Variants in GLDC observed in about 807,000 individuals in gnomAD.
GLDC encodes glycine decarboxylase, also known as glycine dehydrogenase (decarboxylating), mitochondrial.
A neutral mutation model predicts 121.3 loss-of-function variants in GLDC; 104 were observed. The ratio of observed to expected loss-of-function variants is 0.86; its 90% CI spans 0.73 to 1.01. The LOEUF (loss-of-function observed/expected upper bound fraction) is 1.01, where lower values mean the gene tolerates loss of function less well. Among genes scored for constraint, GLDC ranks in the 50% least tolerant of loss-of-function variants. GLDC has a pLI of 0.00. For synonymous variants in GLDC, 546 were observed against 480.6 expected (o/e 1.14, Z -1.78); for missense variants, 1,429 against 1,306.6 (o/e 1.09, Z -1.44).
At chr9:6,556,962 T>C (rs1056137674) in intron 17 of GLDC, among the ~76,000 whole-genome samples, 2 of 152,170 alleles carry the variant, frequency 1.3e-5, no homozygotes, top group East Asian at 3.9e-4. Context: ...TTCAGACGTT[T>C]GTGGTTCTAG....
intron 5 of GLDC, chr9:6,606,112 C>G (rs1481130740): frequency 1.1e-5 from 2 of 174,150 alleles, no homozygotes; most frequent in East Asian, 1.7e-4. Flanking sequence ...TCAAGACCAT[C>G]CTGGCTAACA....
intron 2 of GLDC, among the ~76,000 whole-genome samples, chr9:6,622,231 G>A (rs1266783224): frequency 1.3e-5 from 2 of 150,564 alleles, no homozygotes; most frequent in East Asian, 2.0e-4. Flanking sequence ...AAATTCACAA[G>A]AGATATGGTC....
Position 6,606,620 on chromosome 9 carries a change from T to C in GLDC, c.685A>G (p.Thr229Ala). 6.2e-7 allele frequency: 1 copy of C among 1,608,540 alleles called. No homozygotes were observed. Residue 229 changes from threonine to alanine, a missense_variant, in exon 5 of 25, where the codon ACA (threonine) becomes GCA (alanine). Physicochemically the swap from Thr to Ala is moderately conservative, Grantham distance 58 (BLOSUM62 0). Coordinates refer to ENST00000321612, the MANE Select transcript of GLDC (RefSeq NM_000170.3). Reference sequence around the variant, plus strand: ...GCTCGAGTCTGGACAACAGCTATTGTCTGTGGGTGGCAACGGGGATCAACG... The same window carrying C: ...GCTCGAGTCTGGACAACAGCTATTGCCTGTGGGTGGCAACGGGGATCAACG... The part of the protein sequence containing the change: ...FLVDPRCHPQ[T>A]IAVVQTRAKY...
rs534062853 is a variant in GLDC, at chr9:6,558,637, G to T, written c.1974C>A (p.Ala658=). Residue 658 remains alanine (A), a synonymous_variant, in exon 17 of 25, where the codon GCC becomes GCA. Coordinates refer to ENST00000321612, the MANE Select transcript of GLDC (RefSeq NM_000170.3). The part of the protein sequence containing the change: ...KSAHGTNPAS[A]HMAGMKIQPV... ...GCTGAATCTTCATGCCTGCCATGTGGGCACTTGCTGGGTTGGTCCCATGTG... is the reference window on the plus strand; with the variant it reads ...GCTGAATCTTCATGCCTGCCATGTGTGCACTTGCTGGGTTGGTCCCATGTG... 1.4e-5 allele frequency: 23 copies of T among 1,614,110 alleles called. No homozygotes were observed. The African/African-American group carries it at 2.7e-4, about 19-fold the overall frequency.
At chr9:6,603,727 C>CT (rs150768218) in intron 7 of GLDC, among the ~76,000 whole-genome samples, 42,225 of 143,040 alleles carry the variant, frequency 0.3, 6,885 homozygotes, top group African/African-American at 0.42. Context: ...CTTTTTTTTC[C>CT]TTTTTTTTCT....
At chr9:6,622,564 A>G (rs1819128884) in intron 2 of GLDC, among the ~76,000 whole-genome samples, 1 of 152,110 alleles carries the variant, frequency 6.6e-6, no homozygotes, top group African/African-American at 2.4e-5. Flanking sequence ...CCCAGGCTGG[A>G]GTGCAGTGGC....
intron 21 of GLDC, among the ~76,000 whole-genome samples, chr9:6,548,107 T>A (rs1817435902): frequency 6.6e-6 from 1 of 152,182 alleles, no homozygotes; most frequent in African/African-American, 2.4e-5. Context: ...CCACTGCACT[T>A]CAGCCTGGAC....
chr9:6,570,445 A>T (rs1471752428), intron 15 of GLDC, among the ~76,000 whole-genome samples: 2 of 152,252 alleles, frequency 1.3e-5, no homozygotes, highest in African/African-American at 2.4e-5. Context: ...AGTTTTTAAC[A>T]CACCATCATA....
At chr9:6,612,251 T>A (rs913248953) in intron 3 of GLDC, among the ~76,000 whole-genome samples, 16 of 143,958 alleles carry the variant, frequency 1.1e-4, no homozygotes, top group African/African-American at 2.9e-4. Flanking sequence ...TCTCTCTCTC[T>A]CTCACACACA....
intron 8 of GLDC, among the ~76,000 whole-genome samples, chr9:6,601,001 C>T (rs918610665): frequency 6.6e-6 from 1 of 152,080 alleles, no homozygotes; most frequent in African/African-American, 2.4e-5. Context: ...GGTGAAACCC[C>T]GTCTCTACTA....
chr9:6,574,132 C>T (rs1054369842), intron 15 of GLDC, among the ~76,000 whole-genome samples: 3 of 151,164 alleles, frequency 2.0e-5, no homozygotes, highest in East Asian at 1.9e-4. Context: ...ATCAGAAGAG[C>T]GCCTCAGAGC....
At chr9:6,605,360 G>T in intron 5 of GLDC, 82 bp from the exon 6 acceptor site, 2 of 1,457,792 alleles carry the variant, frequency 1.4e-6, no homozygotes, top group African/African-American at 1.4e-5. Context: ...CAGTAAGACA[G>T]CATTCATTTT....
chr9:6,620,427 A>G lies in GLDC; in HGVS notation c.335-108T>C, dbSNP rs1819067878. ...TGAGTATTTATGACAGAATAACTAT[A>G]TGGAAAATGTAAGAGTCATCCATCC... On this transcript the variant is annotated intron_variant, in intron 2 of 24. Transcript: ENST00000321612. 78 of 960,954 alleles carry G rather than the reference A, an allele frequency of 8.1e-5. No homozygotes were observed. The South Asian group carries it at 1.0e-3, about 13-fold the overall frequency. The allele number at this position is 960,954 out of a possible 1,614,324, so 59.5% of individuals were successfully genotyped here. A position where few individuals can be genotyped will look rare whatever the true frequency, so the allele number is the denominator to read the frequency against.
At chr9:6,565,198 G>A (rs561343730) in intron 16 of GLDC, among the ~76,000 whole-genome samples, 156 bp downstream of exon 16, 1 of 152,178 alleles carries the variant, frequency 6.6e-6, no homozygotes, top group South Asian at 2.1e-4. Context: ...TGGAAGCAAG[G>A]ATCATAATGG....
intron 16 of GLDC, among the ~76,000 whole-genome samples, chr9:6,564,334 A>C (rs1817814174): frequency 6.6e-6 from 1 of 152,176 alleles, no homozygotes; most frequent in African/African-American, 2.4e-5. Context: ...ATGCAAGGGA[A>C]GGAGGGAAAA....
intron 21 of GLDC, among the ~76,000 whole-genome samples, chr9:6,543,210 G>T (rs1326319782): frequency 6.6e-6 from 1 of 152,154 alleles, no homozygotes; most frequent in East Asian, 1.9e-4. Context: ...AGGAGGTTGA[G>T]GCTGCAATGA....
Position 6,539,998 on chromosome 9 carries a change from G to A in GLDC, c.2665+53C>T. 2.7e-6 allele frequency: 3 copies of A among 1,101,396 alleles called. No individual in the cohort carries two copies. The East Asian group carries it at 7.0e-5, about 26-fold the overall frequency. The allele number at this position is 1,101,396 out of a possible 1,614,324, so 68.2% of individuals were successfully genotyped here. On this transcript the variant is annotated intron_variant, in intron 22 of 24. Coordinates refer to ENST00000321612, the MANE Select transcript of GLDC (RefSeq NM_000170.3). ...CCTGCATTTTCCATTTGTGCTTTAG[G>A]AAGTGGTCCACAGCCAGCATGGGCG...
chr9:6,604,709 C>G lies in GLDC; in HGVS notation c.937G>C (p.Ala313Pro), dbSNP rs386833592. Residue 313 changes from alanine (A) to proline (P), a missense_variant, in exon 7 of 25, where the codon GCC becomes CCC. By Grantham distance (27) the Ala-to-Pro change is conservative. Transcript: ENST00000321612. ...CCAAATCTCTGGGAGCTGCCCAGGG[C>G]GATGTCTACCCCAAATTCTCCAGGT... ...RPPGEFGVDI[A>P]LGSSQRFGVP... The G allele has an allele frequency of 1.2e-6, 2 of 1,613,904 alleles. No individual in the cohort carries two copies. The highest frequency in any genetic ancestry group is 1.7e-5 in the Admixed American group (1 of 60,000).
intron 16 of GLDC, among the ~76,000 whole-genome samples, chr9:6,564,966 G>C (rs901125773): frequency 6.6e-6 from 1 of 152,204 alleles, no homozygotes; most frequent in African/African-American, 2.4e-5. Flanking sequence ...AGCACAACAG[G>C]GGTTACTGAA....
Sources: allele counts gnomAD v4.1 joint callset (sites outside exome capture counted in the v4.1 genomes callset), GRCh38; gene constraint gnomAD v4.1.1; transcripts MANE v1.5; gene names NCBI Gene and HGNC (gene_info 2026-07-23, HGNC 2026-07-21).